The following TCF7L1 variants were observed in gnomAD, a reference collection of about 807,000 sequenced individuals.
TCF7L1 encodes transcription factor 7 like 1, also known as transcription factor 7-like 1.
TCF7L1 carries 18 observed loss-of-function variants against 63.7 expected under a neutral mutation model. The ratio of observed to expected loss-of-function variants is 0.28; its 90% CI spans 0.20 to 0.42. TCF7L1 has a LOEUF of 0.42. Among genes scored for constraint, TCF7L1 ranks in the 10% least tolerant of loss-of-function variants. The pLI is 1.00. For synonymous variants in TCF7L1, 355 were observed against 340.9 expected, an observed-to-expected ratio of 1.04 and a Z score of -0.46; for missense variants, 654 against 779.3, an observed-to-expected ratio of 0.84 and a Z score of 1.91.
intron 4 of TCF7L1, among the ~76,000 whole-genome samples, chr2:85,286,168 G>C: frequency 7.0e-6 from 1 of 143,656 alleles, no homozygotes; most frequent in Non-Finnish European, 1.5e-5. Context: ...CCCAGCCTGG[G>C]CAGCAAGAGC....
intron 3 of TCF7L1, among the ~76,000 whole-genome samples, chr2:85,192,000 CT>C (rs374715185): frequency 2.4e-4 from 36 of 152,202 alleles, no homozygotes; most frequent in African/African-American, 8.7e-4. Flanking sequence ...ACTTAGTGCA[CT>C]TTTGTTTTCA....
At chr2:85,276,526 A>G (rs1681274387) in intron 3 of TCF7L1, among the ~76,000 whole-genome samples, 2 of 152,106 alleles carry the variant, frequency 1.3e-5, no homozygotes, top group South Asian at 4.1e-4. Context: ...AAATGTGAAG[A>G]AGCGATCCGT....
intron 3 of TCF7L1, among the ~76,000 whole-genome samples, chr2:85,200,825 C>T (rs529803540): frequency 1.3e-5 from 2 of 151,670 alleles, no homozygotes; most frequent in South Asian, 2.1e-4. Flanking sequence ...TGGATACCTG[C>T]GACACTTGAG....
At chr2:85,215,766 G>GT (rs1679686723) in intron 3 of TCF7L1, among the ~76,000 whole-genome samples, 1 of 139,386 alleles carries the variant, frequency 7.2e-6, no homozygotes, top group Admixed American at 7.1e-5. Context: ...TGGGGTGGGG[G>GT]TGGGGGGGGG....
At chr2:85,284,090 A>C (rs1681485435) in intron 4 of TCF7L1, among the ~76,000 whole-genome samples, 1 of 152,218 alleles carries the variant, frequency 6.6e-6, no homozygotes, top group African/African-American at 2.4e-5. Flanking sequence ...GGCTCACTGC[A>C]ACCTCTGCCT....
intron 3 of TCF7L1, among the ~76,000 whole-genome samples, chr2:85,162,316 C>G (rs1235106814): frequency 6.6e-6 from 1 of 152,170 alleles, no homozygotes; most frequent in Admixed American, 6.5e-5. Flanking sequence ...GGACATGGGG[C>G]CCTGGAACAT....
At chr2:85,251,859 G>A (rs1680595264) in intron 3 of TCF7L1, among the ~76,000 whole-genome samples, 1 of 152,166 alleles carries the variant, frequency 6.6e-6, no homozygotes, top group Admixed American at 6.5e-5. Context: ...GATCATTTGA[G>A]TCTCAGGAGT....
intron 8 of TCF7L1, 37 bp downstream of exon 8, chr2:85,305,440 G>T (rs779960182): frequency 9.5e-6 from 15 of 1,577,266 alleles, no homozygotes; most frequent in Non-Finnish European, 3.4e-6. Flanking sequence ...GTGGGAGGGT[G>T]CAGGCTGTGG....
In TCF7L1 at chr2:85,134,443, C is replaced by T. The variant is rs1439710698; in HGVS notation, c.434C>T (p.Ala145Val). The T allele has an allele frequency of 1.9e-6, 3 of 1,554,760 alleles. No individual in the cohort carries two copies. Among genetic ancestry groups the T allele is most frequent in the Admixed American group, 3.9e-5 (2 of 51,612 alleles). ...AACGGACCCCTGTCTCCCGGAGGAG[C>T]GCGCACCGTGAGTGCCCGTCGGGCG... ...LSNGPLSPGG[A>V]RTYLQMKWPL... Residue 145 changes from alanine (A) to valine (V), a missense_variant, in exon 3 of 12, where the codon GCG becomes GTG. By Grantham distance (64) the Ala-to-Val change is moderately conservative. Coordinates refer to ENST00000282111, the MANE Select transcript of TCF7L1 (RefSeq NM_031283.3). The surrounding 1 kb of genome is among the most constrained non-coding windows in gnomAD (Gnocchi z 5.0).
chr2:85,292,975 T>C (rs1373872983), intron 4 of TCF7L1, among the ~76,000 whole-genome samples: 1 of 152,264 alleles, frequency 6.6e-6, no homozygotes, highest in Non-Finnish European at 1.5e-5. Context: ...GTGGGTCACT[T>C]GGAGTGGCTG....
intron 3 of TCF7L1, among the ~76,000 whole-genome samples, chr2:85,192,287 CT>C (rs544529364): frequency 1.3e-4 from 20 of 152,344 alleles, no homozygotes; most frequent in African/African-American, 4.6e-4. Flanking sequence ...GCTACCGCCC[CT>C]CTCCCCCAAA....
chr2:85,165,994 G>A (rs1347047642), intron 3 of TCF7L1, among the ~76,000 whole-genome samples: 3 of 152,194 alleles, frequency 2.0e-5, no homozygotes, highest in Admixed American at 6.5e-5. Flanking sequence ...ATAAATTTGT[G>A]TAACTAACAC....
At chr2:85,157,980 G>T (rs1277058240) in intron 3 of TCF7L1, among the ~76,000 whole-genome samples, 1 of 152,236 alleles carries the variant, frequency 6.6e-6, no homozygotes, top group African/African-American at 2.4e-5. Flanking sequence ...TGCCTTCTGG[G>T]ATGGAGAGAG....
intron 4 of TCF7L1, among the ~76,000 whole-genome samples, chr2:85,290,212 C>T (rs1316524510): frequency 6.6e-6 from 1 of 152,136 alleles, no homozygotes; most frequent in Non-Finnish European, 1.5e-5. Flanking sequence ...AACTCCTGAC[C>T]TCAGGTGATC....
chr2:85,308,441 C>CTCGCTTTCCCCCTCCCTCCT (rs1558663488), intron 11 of TCF7L1, among the ~76,000 whole-genome samples: 2 of 84,722 alleles, frequency 2.4e-5, no homozygotes, highest in Non-Finnish European at 4.6e-5. Context: ...TTCTCCCTCC[C>CTCGCTTTCCCCCTCCCTCCT]TTTCTCTTTC....
intron 10 of TCF7L1, 26 bp from the exon 11 acceptor site, chr2:85,307,616 C>T: frequency 6.2e-7 from 1 of 1,608,608 alleles, no homozygotes; most frequent in South Asian, 1.1e-5. Flanking sequence ...TCCCAGCTTA[C>T]CTCTTCCTTT....
At chr2:85,298,169 GT>G in intron 4 of TCF7L1, among the ~76,000 whole-genome samples, 1 of 94,430 alleles carries the variant, frequency 1.1e-5, no homozygotes, top group East Asian at 3.8e-4. Flanking sequence ...TCCAGCCTGG[GT>G]GACAGAGTGA....
At chr2:85,198,866 T>TAAAAAGA (rs1451127146) in intron 3 of TCF7L1, among the ~76,000 whole-genome samples, 2 of 151,774 alleles carry the variant, frequency 1.3e-5, no homozygotes, top group Non-Finnish European at 2.9e-5. Flanking sequence ...TTCTCCAAAA[T>TAAAAAGA]AAAAAGAAAA....
chr2:85,247,084 C>T (rs1201799612), intron 3 of TCF7L1, among the ~76,000 whole-genome samples: 1 of 152,168 alleles, frequency 6.6e-6, no homozygotes, highest in African/African-American at 2.4e-5. Context: ...TACAAGAAGC[C>T]CCCTCTGTCT....
Sources: allele counts gnomAD v4.1 joint callset (sites outside exome capture counted in the v4.1 genomes callset), GRCh38; gene constraint gnomAD v4.1.1; non-coding constraint Gnocchi (gnomAD v3.1); transcripts MANE v1.5; gene names NCBI Gene and HGNC (gene_info 2026-07-23, HGNC 2026-07-21).